The following PKP4 variants were observed in gnomAD, a reference collection of about 807,000 sequenced individuals.
PKP4 encodes plakophilin 4, also known as plakophilin-4.
A neutral mutation model predicts 145.1 loss-of-function variants in PKP4; 90 were observed. That is an observed-to-expected ratio of 0.62 (90% confidence interval 0.52 to 0.74). PKP4 has a LOEUF of 0.74. Ranked by LOEUF, PKP4 falls within the 30% of genes least tolerant of loss-of-function variation. PKP4 has a pLI of 0.00. For missense variants in PKP4, 1,340 were observed against 1,482.7 expected, an observed-to-expected ratio of 0.90 and a Z score of 1.58; for synonymous variants, 563 against 577.2, an observed-to-expected ratio of 0.98 and a Z score of 0.35.
intron 1 of PKP4, among the ~76,000 whole-genome samples, chr2:158,466,114 C>A (rs11885554): frequency 0.031 from 4,646 of 152,266 alleles, 154 homozygotes; most frequent in East Asian, 0.14. Context: ...TACTCAACAG[C>A]AGGGACTTTA....
intron 6 of PKP4, among the ~76,000 whole-genome samples, chr2:158,621,944 T>A (rs975198213): frequency 4.6e-5 from 7 of 152,174 alleles, no homozygotes; most frequent in African/African-American, 1.7e-4. Flanking sequence ...TTCTGATGAG[T>A]TCCTGGATAC....
At position 158,621,082 on chromosome 2, in the gene PKP4, C is replaced by T. The variant is rs1044193855; in HGVS notation, c.373C>T (p.Leu125Phe). 2.5e-6 allele frequency: 4 copies of T among 1,614,020 alleles called. No homozygotes were observed. The highest frequency in any genetic ancestry group is 2.5e-6 in the Non-Finnish European group (3 of 1,179,986). The change falls in exon 5 of 22, where the codon CTC becomes TTC. Residue 125 changes from leucine (L) to phenylalanine (F), a missense_variant. Coordinates refer to ENST00000389759, the MANE Select transcript of PKP4 (RefSeq NM_003628.6). ...LIRTEPEQGT[L>F]YSPEQTSLHE... ...CAGGACAGAGCCAGAACAAGGAACCCTCTATTCACCAGAACAGACATCTCT... is the reference window on the plus strand; with the variant it reads ...CAGGACAGAGCCAGAACAAGGAACCTTCTATTCACCAGAACAGACATCTCT...
At chr2:158,544,295 A>C (rs1175781848) in intron 2 of PKP4, among the ~76,000 whole-genome samples, 1 of 152,190 alleles carries the variant, frequency 6.6e-6, no homozygotes. Flanking sequence ...ATGAAAATAA[A>C]GGTTCTTAGA....
At chr2:158,576,771 A>G (rs1304451013) in intron 2 of PKP4, among the ~76,000 whole-genome samples, 3 of 152,114 alleles carry the variant, frequency 2.0e-5, no homozygotes, top group African/African-American at 7.2e-5. Flanking sequence ...AAATACGGCA[A>G]GACTTTTTCT....
intron 9 of PKP4, among the ~76,000 whole-genome samples, chr2:158,637,499 A>G (rs1429626491): frequency 1.3e-5 from 2 of 152,246 alleles, no homozygotes; most frequent in South Asian, 2.1e-4. Context: ...TGCCTTGCAC[A>G]TTCTAACCAC....
intron 1 of PKP4, among the ~76,000 whole-genome samples, chr2:158,477,784 G>A (rs1239954576): frequency 6.6e-6 from 1 of 152,162 alleles, no homozygotes; most frequent in African/African-American, 2.4e-5. Context: ...GATCGAGGCT[G>A]CAGTACACTG....
intron 2 of PKP4, among the ~76,000 whole-genome samples, chr2:158,551,872 T>C (rs1004116504): frequency 6.6e-6 from 1 of 152,370 alleles, no homozygotes; most frequent in East Asian, 1.9e-4. Flanking sequence ...ACTATAACTT[T>C]TTTATAGACA....
At chr2:158,472,646 A>G (rs1262543433) in intron 1 of PKP4, among the ~76,000 whole-genome samples, 2 of 151,104 alleles carry the variant, frequency 1.3e-5, no homozygotes, top group African/African-American at 4.9e-5. Flanking sequence ...ATTAAAAACT[A>G]TCTTCAGGCT....
chr2:158,595,553 T>C (rs1481016359), intron 3 of PKP4, among the ~76,000 whole-genome samples: 1 of 152,190 alleles, frequency 6.6e-6, no homozygotes, highest in African/African-American at 2.4e-5. Context: ...ATTTTACAAA[T>C]GCATTAAGAG....
At chr2:158,653,552 C>G (rs898239482) in intron 11 of PKP4, among the ~76,000 whole-genome samples, 1 of 152,108 alleles carries the variant, frequency 6.6e-6, no homozygotes, top group Non-Finnish European at 1.5e-5. Context: ...GAATAAGCAG[C>G]GTTTTCTACA....
At chr2:158,499,048 C>T (rs17493043) in intron 1 of PKP4, among the ~76,000 whole-genome samples, 3,537 of 152,188 alleles carry the variant, frequency 0.023, 64 homozygotes, top group Non-Finnish European at 0.037. Flanking sequence ...TCAGGAAGAA[C>T]GGTAAAATAC....
chr2:158,663,644 C>T (rs1316762160), intron 15 of PKP4, among the ~76,000 whole-genome samples, 199 bp downstream of exon 15: 1 of 152,150 alleles, frequency 6.6e-6, no homozygotes, highest in East Asian at 1.9e-4. Context: ...ATACAAGTCC[C>T]TCACTATGAG....
At chr2:158,558,348 T>C (rs2046261138) in intron 2 of PKP4, among the ~76,000 whole-genome samples, 1 of 152,022 alleles carries the variant, frequency 6.6e-6, no homozygotes, top group African/African-American at 2.4e-5. Flanking sequence ...GAAAAAGCAG[T>C]ATTTACAAGA....
rs1333630606 is a variant in PKP4 at position 158,663,435 on chromosome 2, G to A, written c.2567G>A (p.Gly856Asp). The change falls in exon 15 of 22, where the codon GGC becomes GAC. Residue 856 changes from glycine (G) to aspartate (D), a missense_variant. By Grantham distance (94) the Gly-to-Asp change is moderately conservative. Coordinates refer to ENST00000389759, the MANE Select transcript of PKP4 (RefSeq NM_003628.6). ...SAGSLQNLSA[G>D]NWKFAAYIRA... ...GGGTCTCTCCAGAACCTCTCTGCTG[G>A]CAACTGGAAGGTAGGATGACTTCCA... is the stretch of plus-strand genomic sequence containing the variant. 6.2e-7 allele frequency: 1 copy of A among 1,610,742 alleles called. No homozygotes were observed. Among genetic ancestry groups the A allele is most frequent in the African/African-American group, 1.3e-5 (1 of 74,760 alleles).
intron 1 of PKP4, among the ~76,000 whole-genome samples, chr2:158,517,618 C>T (rs2042035946): frequency 6.6e-6 from 1 of 151,958 alleles, no homozygotes; most frequent in South Asian, 2.1e-4. Flanking sequence ...ATAAGATAAT[C>T]CTGGGTAGTA....
chr2:158,557,986 A>T (rs1475044470), intron 2 of PKP4, among the ~76,000 whole-genome samples: 2 of 152,170 alleles, frequency 1.3e-5, no homozygotes, highest in East Asian at 3.9e-4. Flanking sequence ...ATCTAGGTCA[A>T]AGTTGTCGAT....
intron 2 of PKP4, among the ~76,000 whole-genome samples, chr2:158,553,684 T>A (rs2045827933): frequency 1.3e-5 from 2 of 152,194 alleles, no homozygotes; most frequent in African/African-American, 4.8e-5. Flanking sequence ...TTGGGAAAGG[T>A]GGCTCCTTTA....
At chr2:158,544,873 ATATT>A in intron 2 of PKP4, among the ~76,000 whole-genome samples, 1 of 152,224 alleles carries the variant, frequency 6.6e-6, no homozygotes, top group Non-Finnish European at 1.5e-5. Context: ...CCATGAAGTG[ATATT>A]TAAGGAAGCT....
At chr2:158,478,259 C>T (rs756628919) in intron 1 of PKP4, among the ~76,000 whole-genome samples, 3 of 151,606 alleles carry the variant, frequency 2.0e-5, no homozygotes, top group Non-Finnish European at 4.4e-5. Context: ...ACTTCTGAAC[C>T]TTAAAAGTAA....
Sources: allele counts gnomAD v4.1 joint callset (sites outside exome capture counted in the v4.1 genomes callset), GRCh38; gene constraint gnomAD v4.1.1; transcripts MANE v1.5; gene names NCBI Gene and HGNC (gene_info 2026-07-23, HGNC 2026-07-21).